The following C17orf113 variants were observed in gnomAD, a reference collection of about 807,000 sequenced individuals.
The protein encoded by C17orf113 is chromosome 17 open reading frame 113.
A neutral mutation model predicts 11.6 loss-of-function variants in C17orf113; 5 were observed. The observed-to-expected ratio is 0.43, with a 90% confidence interval of 0.23 to 0.91. The LOEUF is 0.91. Ranked by LOEUF, C17orf113 falls within the 40% of genes least tolerant of loss-of-function variation. C17orf113 has a pLI of 0.26. For missense variants in C17orf113, 714 were observed against 841.3 expected (o/e 0.85, Z 1.87); for synonymous variants, 327 against 390.6 (o/e 0.84, Z 1.92).
chr17:42,046,022 C>G (rs2143706633), intron 1 of C17orf113, among the ~76,000 whole-genome samples: 1 of 152,342 alleles, frequency 6.6e-6, no homozygotes, highest in Middle Eastern at 3.4e-3. Context: ...CCTCTCCCTC[C>G]TCTTTCCTTA....
At chr17:42,049,290 T>C (rs1555656899) in intron 1 of C17orf113, among the ~76,000 whole-genome samples, 1 of 152,208 alleles carries the variant, frequency 6.6e-6, no homozygotes, top group Non-Finnish European at 1.5e-5. Context: ...CCCTGTTTGT[T>C]CTCTCCATTC....
At chr17:42,044,508 C>T (rs1407504521) in intron 1 of C17orf113, among the ~76,000 whole-genome samples, 4 of 150,612 alleles carry the variant, frequency 2.7e-5, no homozygotes, top group Non-Finnish European at 5.9e-5. Flanking sequence ...CCCAGCTACT[C>T]GGGAGGCTGA....
In C17orf113 at chr17:42,050,295, G is replaced by A. The variant is rs2053253926; in HGVS notation, c.-188+262C>T. Among the ~76,000 whole-genome samples the A allele has an allele frequency of 6.6e-6, 1 of 152,186 alleles. No individual in the cohort carries two copies. The highest frequency in any genetic ancestry group is 2.1e-4 in the South Asian group (1 of 4,832). ...CCCTTGCTTTGGGACCCCACTAAGA[G>A]AAGTCCAGCACTCAGCAGACAGGGC... is the stretch of plus-strand genomic sequence containing the variant. On this transcript the variant is annotated intron_variant, in intron 1 of 2. Coordinates refer to ENST00000587304, the MANE Select transcript of C17orf113 (RefSeq NM_001358661.2). The surrounding 1 kb of genome is among the most constrained non-coding windows in gnomAD (Gnocchi z 5.6).
At position 42,043,422 on chromosome 17, in the gene C17orf113, T is replaced by G; in HGVS notation, c.-46A>C. ...ACCCCCAACCCCCACCTGAATGCTCTTGCCCCCCTGCCTCCCCCACACACA... is the reference window on the plus strand; with the variant it reads ...ACCCCCAACCCCCACCTGAATGCTCGTGCCCCCCTGCCTCCCCCACACACA... On this transcript the variant is annotated 5_prime_UTR_variant, in exon 2 of 3. Transcript: ENST00000587304. 12 of 1,228,434 alleles carry G rather than the reference T, an allele frequency of 9.8e-6. No homozygotes were observed. Among genetic ancestry groups the G allele is most frequent in the Non-Finnish European group, 1.2e-5 (12 of 985,024 alleles). 76.1% of individuals were successfully genotyped at this position (1,228,434 alleles called of 1,614,324 possible).
chr17:42,046,188 C>A (rs1305081472), intron 1 of C17orf113, among the ~76,000 whole-genome samples: 1 of 152,156 alleles, frequency 6.6e-6, no homozygotes, highest in Non-Finnish European at 1.5e-5. Flanking sequence ...CTGTACATAT[C>A]TCTGCACTGA....
intron 1 of C17orf113, among the ~76,000 whole-genome samples, chr17:42,047,411 A>G (rs2053188077): frequency 1.3e-5 from 2 of 151,600 alleles, no homozygotes; most frequent in South Asian, 4.2e-4. Flanking sequence ...CCGACCTCAG[A>G]TGATCCGCCC....
intron 1 of C17orf113, among the ~76,000 whole-genome samples, chr17:42,047,476 T>C (rs2053189868): frequency 6.6e-6 from 1 of 151,886 alleles, no homozygotes; most frequent in Admixed American, 6.6e-5. Flanking sequence ...TTAGACGATC[T>C]GAAGCTCTGA....
Position 42,040,333 on chromosome 17 carries a change from C to T in C17orf113, c.1400G>A (p.Gly467Glu). 2 of 1,231,868 alleles carry T rather than the reference C, an allele frequency of 1.6e-6. No individual in the cohort carries two copies. Among genetic ancestry groups the T allele is most frequent in the South Asian group, 8.2e-5 (2 of 24,324 alleles). The allele number at this position is 1,231,868 out of a possible 1,614,324, so 76.3% of individuals were successfully genotyped here. A position where few individuals can be genotyped will look rare whatever the true frequency, so the allele number is the denominator to read the frequency against. The change falls in exon 3 of 3, where the codon GGA (glycine) becomes GAA (glutamate). Residue 467 changes from glycine to glutamate, a missense_variant. Gly to Glu is a moderately conservative substitution (Grantham distance 98). This residue lies in a region of C17orf113 where 516 missense variants were observed against 626.6 expected (regional missense o/e 0.82). Transcript: ENST00000587304. ...CTCCACGCCGCGGTAGGTGCAGCGT[C>T]CGCTGCTGGCGTCAGGGTCCATGGA... ...LASMDPDASSGRCTYRGVELL... is the reference protein window; with the variant it reads ...LASMDPDASSERCTYRGVELL...
intron 1 of C17orf113, among the ~76,000 whole-genome samples, chr17:42,046,592 C>A (rs752152855): frequency 6.6e-6 from 1 of 151,704 alleles, no homozygotes; most frequent in Non-Finnish European, 1.5e-5. Context: ...ATTGTGAGAA[C>A]CTGTCTCAAA....
In C17orf113 at chr17:42,042,939, G is replaced by T. The variant is rs1340724565; in HGVS notation, c.438C>A (p.Asp146Glu). The T allele has an allele frequency of 4.9e-6, 6 of 1,232,414 alleles. No individual in the cohort carries two copies. The Admixed American group carries it at 2.5e-4, about 52-fold the overall frequency. 76.3% of individuals were successfully genotyped at this position (1,232,414 alleles called of 1,614,324 possible). ...YCMAKEDVPN[D>E]RCSALLELQR... ...GCAGCTCGAGCAGGGCAGAGCAGCG[G>T]TCATTGGGCACATCCTCCTTTGCCA... is the stretch of plus-strand genomic sequence containing the variant. The change falls in exon 2 of 3, where the codon GAC (aspartate) becomes GAA (glutamate). Residue 146 changes from aspartate to glutamate, a missense_variant. Asp to Glu is a conservative substitution (Grantham distance 45). Transcript: ENST00000587304.
In C17orf113 at chr17:42,040,079, C is replaced by T. The variant is rs1195597375; in HGVS notation, c.1654G>A (p.Val552Met). The T allele has an allele frequency of 3.2e-6, 4 of 1,231,160 alleles. No individual in the cohort carries two copies. Among genetic ancestry groups the T allele is most frequent in the Non-Finnish European group, 4.1e-6 (4 of 987,632 alleles). The allele number at this position is 1,231,160 out of a possible 1,614,324, so 76.3% of individuals were successfully genotyped here. ...TCGCCCAGCGCCCGCTGGCGCACCA[C>T]GGCAGGAGCAAAGCCGCGCAGCAGC... is the stretch of plus-strand genomic sequence containing the variant. ...RVLLRGFAPA[V>M]VRQRALGDFA... Residue 552 changes from valine (V) to methionine (M), a missense_variant, in exon 3 of 3, where the codon GTG becomes ATG. This residue lies in a region of C17orf113 where 194 missense variants were observed against 197.2 expected (regional missense o/e 0.98). Transcript: ENST00000587304.
At chr17:42,042,717 G>A (rs1378060245) in intron 2 of C17orf113, 117 bp downstream of exon 2, 1 of 728,138 alleles carries the variant, frequency 1.4e-6, no homozygotes, top group Non-Finnish European at 1.9e-6. Context: ...GAAGGGTGAA[G>A]ATATGAATGA....
At chr17:42,041,386 A>G (rs1176451980) in intron 2 of C17orf113, among the ~76,000 whole-genome samples, 197 bp from the exon 3 acceptor site, 3 of 152,070 alleles carry the variant, frequency 2.0e-5, no homozygotes, top group African/African-American at 7.2e-5. Flanking sequence ...CAGTTTTCTC[A>G]TCTCTACAGC....
intron 1 of C17orf113, among the ~76,000 whole-genome samples, chr17:42,043,869 T>C (rs1462771529): frequency 1.3e-5 from 2 of 152,062 alleles, no homozygotes; most frequent in African/African-American, 4.8e-5. Context: ...CCTAGGCAAC[T>C]GTATTTTATA....
Position 42,040,820 on chromosome 17 carries a change from C to T in C17orf113, c.913G>A (p.Glu305Lys), listed in dbSNP as rs1256331712. The change falls in exon 3 of 3, where the codon GAG becomes AAG. Residue 305 changes from glutamate (E) to lysine (K), a missense_variant. Physicochemically the swap from Glu to Lys is moderately conservative, Grantham distance 56 (BLOSUM62 1). Around this residue, in one of 3 missense-constraint regions of C17orf113, gnomAD observed 516 missense variants for 626.6 expected, o/e 0.82. Coordinates refer to ENST00000587304, the MANE Select transcript of C17orf113 (RefSeq NM_001358661.2). The part of the protein sequence containing the change: ...LHCLPGRTDP[E>K]PPAYLGQYES... Reference sequence around the variant, plus strand: ...TATTGACCCAAGTAGGCCGGGGGCTCAGGATCTGTCCGGCCAGGGAGACAA... The same window carrying T: ...TATTGACCCAAGTAGGCCGGGGGCTTAGGATCTGTCCGGCCAGGGAGACAA... 1 of 1,232,164 alleles carries T rather than the reference C, an allele frequency of 8.1e-7. No homozygotes were observed. The allele number at this position is 1,232,164 out of a possible 1,614,324, so 76.3% of individuals were successfully genotyped here. A position where few individuals can be genotyped will look rare whatever the true frequency, so the allele number is the denominator to read the frequency against.
intron 1 of C17orf113, among the ~76,000 whole-genome samples, chr17:42,048,956 C>A (rs1365304915): frequency 2.9e-5 from 4 of 137,378 alleles, no homozygotes; most frequent in African/African-American, 7.9e-5. Flanking sequence ...AAAAAAAAAA[C>A]AAAAATACTG....
At chr17:42,044,918 C>CAT (rs561043687) in intron 1 of C17orf113, among the ~76,000 whole-genome samples, 9 of 132,602 alleles carry the variant, frequency 6.8e-5, no homozygotes, top group Admixed American at 4.8e-4. Flanking sequence ...CCAACTCTAC[C>CAT]TTTTTTTTTT....
At position 42,043,470 on chromosome 17, in the gene C17orf113, G is replaced by T. The variant is rs549026000; in HGVS notation, c.-94C>A. 7.1e-6 allele frequency: 8 copies of T among 1,134,130 alleles called. No homozygotes were observed. In the African/African-American group the frequency reaches 1.1e-4, roughly 16 times the overall value. The allele number at this position is 1,134,130 out of a possible 1,614,324, so 70.3% of individuals were successfully genotyped here. A position where few individuals can be genotyped will look rare whatever the true frequency, so the allele number is the denominator to read the frequency against. On this transcript the variant is annotated 5_prime_UTR_variant, in exon 2 of 3. Transcript: ENST00000587304. ...ACAGGCACCTCCCTTGACAAGGAGAGTTGATGGGGAGGCAGGCTGGGGGCA... is the reference window on the plus strand; with the variant it reads ...ACAGGCACCTCCCTTGACAAGGAGATTTGATGGGGAGGCAGGCTGGGGGCA...
chr17:42,049,694 C>CT (rs2053243987), intron 1 of C17orf113, among the ~76,000 whole-genome samples: 1 of 152,244 alleles, frequency 6.6e-6, no homozygotes. Flanking sequence ...TTGTCAGATC[C>CT]TTTCCATGTA....
Sources: gnomAD v4.1 joint callset for allele counts (sites outside exome capture counted in the v4.1 genomes callset) on GRCh38, gnomAD v4.1.1 for gene constraint, gnomAD v4.1.1 regional missense constraint, Gnocchi (gnomAD v3.1) non-coding constraint, MANE v1.5 for transcripts, NCBI Gene and HGNC (gene_info 2026-07-23, HGNC 2026-07-21) for gene names.